Variants in TSC22D2 observed in about 807,000 individuals in gnomAD.
TSC22D2 encodes TSC22 domain family protein 2.
In TSC22D2, 5 loss-of-function variants were observed where a neutral mutation model predicts 50.1. The ratio of observed to expected loss-of-function variants is 0.10; its 90% CI spans 0.05 to 0.21. TSC22D2 has a LOEUF of 0.21. Ranked by LOEUF, TSC22D2 falls within the 10% of genes least tolerant of loss-of-function variation. TSC22D2 has a pLI of 1.00. For synonymous variants in TSC22D2, 501 were observed against 450.1 expected (o/e 1.11, Z -1.43); for missense variants, 1,003 against 1,015.5 (o/e 0.99, Z 0.17).
intron 2 of TSC22D2, 123 bp from the exon 3 acceptor site, chr3:150,458,253 C>G: frequency 9.6e-7 from 1 of 1,039,434 alleles, no homozygotes; most frequent in African/African-American, 1.6e-5. Flanking sequence ...CAAGATAAAG[C>G]AGAAACATTA....
At chr3:150,447,711 T>C (rs1576555956) in intron 1 of TSC22D2, among the ~76,000 whole-genome samples, 2 of 152,190 alleles carry the variant, frequency 1.3e-5, no homozygotes, top group African/African-American at 4.8e-5. Context: ...GATAGTCTCT[T>C]TTCCTTATCA....
rs1157707077 is a variant in TSC22D2 at position 150,464,838 on chromosome 3, A to C, written c.*6202A>C. ...TGAGAAAAGTTTACACATTTTTAAT[A>C]CTCTAAGTTGTAGATAATGAAATTG... On this transcript the variant is annotated 3_prime_UTR_variant, in exon 3 of 3. Transcript: ENST00000688009. 7.2e-5 allele frequency: 11 copies of C among 152,212 alleles called. No individual in the cohort carries two copies. The highest frequency in any genetic ancestry group is 1.6e-4 in the Non-Finnish European group (11 of 68,022). The allele number at this position is 152,212 out of a possible 1,614,324, so 9.4% of individuals were successfully genotyped here. A position where few individuals can be genotyped will look rare whatever the true frequency, so the allele number is the denominator to read the frequency against.
In TSC22D2 at chr3:150,410,558, C is replaced by T; in HGVS notation, c.1208C>T (p.Ala403Val). Residue 403 changes from alanine (A) to valine (V), a missense_variant, in exon 1 of 3, where the codon GCG (alanine) becomes GTG (valine). Physicochemically the swap from Ala to Val is moderately conservative, Grantham distance 64. Transcript: ENST00000688009. Reference sequence around the variant, plus strand: ...CAGCCCTCGTCCACCGGCGCCGCAGCGAGCCCCGCCACGGCGGCCACCCTT... The same window carrying T: ...CAGCCCTCGTCCACCGGCGCCGCAGTGAGCCCCGCCACGGCGGCCACCCTT... ...PAQPSSTGAA[A>V]SPATAATLPV... The T allele has an allele frequency of 6.5e-7, 1 of 1,546,724 alleles. No individual in the cohort carries two copies.
rs1262966145 is a variant in TSC22D2, at chr3:150,460,202, G to T, written c.*1566G>T. The T allele has an allele frequency of 6.6e-6, 1 of 152,110 alleles. No individual in the cohort carries two copies. Among genetic ancestry groups the T allele is most frequent in the Non-Finnish European group, 1.5e-5 (1 of 68,004 alleles). 9.4% of individuals were successfully genotyped at this position (152,110 alleles called of 1,614,324 possible). A position where few individuals can be genotyped will look rare whatever the true frequency, so the allele number is the denominator to read the frequency against. ...TACTCCTTAAAGACCTGTTAATAAT[G>T]ACTTACTGATAGTTCTTAAATTTTC... On this transcript the variant is annotated 3_prime_UTR_variant, in exon 3 of 3. Transcript: ENST00000688009.
Position 150,460,748 on chromosome 3 carries a change from CAT to C in TSC22D2, c.*2113_*2114del, listed in dbSNP as rs1045726587. ...TGTGCCCCTCCAGTGCTAACTGTGA[CAT>C]GTGATATTTAATACAGGTGGAGAAA... On this transcript the variant is annotated 3_prime_UTR_variant, in exon 3 of 3. Transcript: ENST00000688009. 1.1e-4 allele frequency: 16 copies of C among 151,386 alleles called. No homozygotes were observed. The highest frequency in any genetic ancestry group is 2.1e-4 in the South Asian group (1 of 4,782). The allele number at this position is 151,386 out of a possible 1,614,324, so 9.4% of individuals were successfully genotyped here.
intron 1 of TSC22D2, among the ~76,000 whole-genome samples, chr3:150,449,062 C>T (rs1270450220): frequency 1.3e-5 from 2 of 152,102 alleles, no homozygotes; most frequent in Non-Finnish European, 2.9e-5. Context: ...ATCACATTCT[C>T]AGATGGTTAT....
chr3:150,411,358 T>C, intron 1 of TSC22D2, 50 bp downstream of exon 1: 1 of 1,526,394 alleles, frequency 6.6e-7, no homozygotes, highest in Non-Finnish European at 8.8e-7. Context: ...TGGCCAACAT[T>C]GTAGCTTAGG....
At chr3:150,440,650 A>G (rs1176910563) in intron 1 of TSC22D2, among the ~76,000 whole-genome samples, 1 of 126,384 alleles carries the variant, frequency 7.9e-6, no homozygotes, top group Non-Finnish European at 1.6e-5. Context: ...AGAGTTTTCC[A>G]TTTGCCTTTA....
At chr3:150,446,755 G>A (rs528655408) in intron 1 of TSC22D2, among the ~76,000 whole-genome samples, 37 of 152,114 alleles carry the variant, frequency 2.4e-4, no homozygotes, top group African/African-American at 8.7e-4. Context: ...GCCCTATTTT[G>A]AAACGGTCCC....
At chr3:150,421,291 G>A (rs1211461525) in intron 1 of TSC22D2, among the ~76,000 whole-genome samples, 1 of 151,842 alleles carries the variant, frequency 6.6e-6, no homozygotes, top group Non-Finnish European at 1.5e-5. Flanking sequence ...TAGCAAACTA[G>A]TTCCCATATG....
At chr3:150,416,027 T>G (rs1288142731) in intron 1 of TSC22D2, among the ~76,000 whole-genome samples, 1 of 152,154 alleles carries the variant, frequency 6.6e-6, no homozygotes, top group Non-Finnish European at 1.5e-5. Context: ...GAATGGTAGT[T>G]AGGAAAGTAT....
intron 1 of TSC22D2, among the ~76,000 whole-genome samples, chr3:150,412,647 G>A (rs1218886847): frequency 1.3e-5 from 2 of 152,054 alleles, no homozygotes; most frequent in African/African-American, 4.8e-5. Context: ...CTTCACTTGA[G>A]AACGCTTAGA....
At chr3:150,437,465 A>G (rs946536782) in intron 1 of TSC22D2, among the ~76,000 whole-genome samples, 2 of 152,132 alleles carry the variant, frequency 1.3e-5, no homozygotes, top group African/African-American at 4.8e-5. Flanking sequence ...AAGCACTTAA[A>G]TGATCGGTAT....
chr3:150,445,402 CAT>C (rs1176932236), intron 1 of TSC22D2, among the ~76,000 whole-genome samples: 1 of 150,988 alleles, frequency 6.6e-6, no homozygotes, highest in African/African-American at 2.4e-5. Context: ...TTTTTATTAA[CAT>C]ATACTTTGTG....
Position 150,458,381 on chromosome 3 carries a change from G to A in TSC22D2, c.2016G>A (p.Leu672=), listed in dbSNP as rs1365977264. ...IDNKIEQAMD[L]VKSHLMYAVR... ...CCTAATTTTGTTTTTCACAGGATCT[G>A]GTGAAAAGCCATTTGATGTATGCAG... The change falls in exon 3 of 3, where the codon CTG becomes CTA. Residue 672 remains leucine, a synonymous_variant. Transcript: ENST00000688009. The A allele has an allele frequency of 6.2e-7, 1 of 1,612,128 alleles. No individual in the cohort carries two copies. Among genetic ancestry groups the A allele is most frequent in the African/African-American group, 1.3e-5 (1 of 74,792 alleles).
chr3:150,412,165 G>T (rs1005871800), intron 1 of TSC22D2, among the ~76,000 whole-genome samples: 1 of 152,062 alleles, frequency 6.6e-6, no homozygotes, highest in Non-Finnish European at 1.5e-5. Flanking sequence ...CTGATGTTTG[G>T]TTATGGTTTA....
chr3:150,461,131 T>C lies in TSC22D2; in HGVS notation c.*2495T>C, dbSNP rs1040283202. 3.3e-5 allele frequency: 5 copies of C among 152,184 alleles called. No individual in the cohort carries two copies. The highest frequency in any genetic ancestry group is 1.2e-4 in the African/African-American group (5 of 41,432). The allele number at this position is 152,184 out of a possible 1,614,324, so 9.4% of individuals were successfully genotyped here. ...TTAGAAAGTAATTTGGCAGTATGTA[T>C]CTAGAGCCTTAAATAATAAGCTTTC... On this transcript the variant is annotated 3_prime_UTR_variant, in exon 3 of 3. Transcript: ENST00000688009.
At chr3:150,429,078 T>TA (rs1720292566) in intron 1 of TSC22D2, among the ~76,000 whole-genome samples, 1 of 152,192 alleles carries the variant, frequency 6.6e-6, no homozygotes, top group Admixed American at 6.5e-5. Flanking sequence ...CAGTAAACCT[T>TA]AAAGAGCTGT....
At chr3:150,411,761 C>T (rs1719580773) in intron 1 of TSC22D2, among the ~76,000 whole-genome samples, 1 of 151,162 alleles carries the variant, frequency 6.6e-6, no homozygotes, top group Non-Finnish European at 1.5e-5. Context: ...AAAAAAAAAT[C>T]TATGTAAGGA....
Sources: gnomAD v4.1 joint callset for allele counts (sites outside exome capture counted in the v4.1 genomes callset) on GRCh38, gnomAD v4.1.1 for gene constraint, MANE v1.5 for transcripts, NCBI Gene and HGNC (gene_info 2026-07-23, HGNC 2026-07-21) for gene names.